MACROD2: variants seen among roughly 807,000 people sequenced by gnomAD.
MACROD2 encodes the protein mono-ADP ribosylhydrolase 2.
Under a neutral mutation model 70.4 loss-of-function variants are expected in MACROD2, and 36 were observed. The observed-to-expected ratio is 0.51, with a 90% CI of 0.39 to 0.68. The LOEUF is 0.68. Ranked by LOEUF, MACROD2 falls within the 30% of genes least tolerant of loss-of-function variation. The pLI is 0.00. For missense variants in MACROD2, 496 were observed against 538.4 expected (o/e 0.92, Z 0.78); for synonymous variants, 172 against 178.8 (o/e 0.96, Z 0.30).
intron 5 of MACROD2, among the ~76,000 whole-genome samples, chr20:15,214,839 T>G (rs1484502525): frequency 6.6e-6 from 1 of 152,222 alleles, no homozygotes; most frequent in Non-Finnish European, 1.5e-5. Context: ...TGATATCATG[T>G]GCTGCGGCTT....
chr20:15,141,646 A>G (rs759505562), intron 5 of MACROD2, among the ~76,000 whole-genome samples: 2 of 152,134 alleles, frequency 1.3e-5, no homozygotes, highest in Non-Finnish European at 2.9e-5. Context: ...GGATATCTGG[A>G]TGATTTTTTC....
At chr20:14,442,175 C>T (rs1300623133) in intron 3 of MACROD2, among the ~76,000 whole-genome samples, 2 of 152,064 alleles carry the variant, frequency 1.3e-5, no homozygotes, top group African/African-American at 2.4e-5. Context: ...AAGGCTGAGA[C>T]AGGGGAATCA....
At chr20:14,055,388 C>G (rs2053620389) in intron 2 of MACROD2, among the ~76,000 whole-genome samples, 1 of 150,902 alleles carries the variant, frequency 6.6e-6, no homozygotes, top group South Asian at 2.1e-4. Flanking sequence ...CAGTCTTTCT[C>G]TTTTGACTCT....
intron 8 of MACROD2, among the ~76,000 whole-genome samples, chr20:15,776,961 A>T (rs1187967630): frequency 6.6e-6 from 1 of 152,192 alleles, no homozygotes; most frequent in East Asian, 1.9e-4. Flanking sequence ...GACTGTTGAG[A>T]GGAAAAGAAG....
chr20:15,288,144 A>C (rs1362260773), intron 6 of MACROD2, among the ~76,000 whole-genome samples: 1 of 152,258 alleles, frequency 6.6e-6, no homozygotes, highest in Non-Finnish European at 1.5e-5. Context: ...AATGCAAAGT[A>C]GCTTTAGAAA....
chr20:14,841,466 A>T (rs1287319038), intron 5 of MACROD2, among the ~76,000 whole-genome samples: 1 of 152,140 alleles, frequency 6.6e-6, no homozygotes, highest in Non-Finnish European at 1.5e-5. Flanking sequence ...CCTAACTTTC[A>T]AAACCTTAGC....
chr20:15,960,556 A>T (rs544294613), intron 12 of MACROD2, among the ~76,000 whole-genome samples: 51 of 152,310 alleles, frequency 3.3e-4, no homozygotes, highest in African/African-American at 1.2e-3. Flanking sequence ...CAGGAAGCAC[A>T]GGTGAGGTGT....
chr20:14,391,649 A>G (rs1422106863), intron 3 of MACROD2, among the ~76,000 whole-genome samples: 1 of 151,592 alleles, frequency 6.6e-6, no homozygotes, highest in Non-Finnish European at 1.5e-5. Flanking sequence ...GCCTTCTATA[A>G]GAGATCTGTG....
chr20:15,150,729 G>A (rs2076263195), intron 5 of MACROD2, among the ~76,000 whole-genome samples: 1 of 151,910 alleles, frequency 6.6e-6, no homozygotes, highest in Admixed American at 6.6e-5. Flanking sequence ...GGGAAGAAGG[G>A]CGGCAATGAG....
At chr20:14,496,113 A>T (rs916861610) in intron 4 of MACROD2, among the ~76,000 whole-genome samples, 3 of 152,172 alleles carry the variant, frequency 2.0e-5, no homozygotes, top group Non-Finnish European at 2.9e-5. Context: ...CCTCTCAGTG[A>T]TATTTGTAAA....
In MACROD2 at chr20:15,987,385, G is replaced by A. The variant is rs2066501535; in HGVS notation, c.1153+227G>A. Among the ~76,000 whole-genome samples, 3 of 152,230 alleles carry A rather than the reference G, an allele frequency of 2.0e-5. No homozygotes were observed. The South Asian group carries it at 6.2e-4, about 32-fold the overall frequency. ...TTACATATAGCATAAAGATGTTTTT[G>A]TTATTCATTTAGATTCAATTTAAAT... On this transcript the variant is annotated intron_variant, in intron 15 of 17. Transcript: ENST00000684519.
chr20:14,040,783 G>A (rs911113021), intron 2 of MACROD2, among the ~76,000 whole-genome samples: 6 of 152,178 alleles, frequency 3.9e-5, no homozygotes, highest in Non-Finnish European at 8.8e-5. Flanking sequence ...TTTCAGCTTC[G>A]TTATGACATT....
chr20:14,344,815 A>AG (rs1458175280), intron 3 of MACROD2, among the ~76,000 whole-genome samples: 1 of 152,206 alleles, frequency 6.6e-6, no homozygotes. Context: ...AAATTCAAGG[A>AG]GCTTTTTGGT....
chr20:15,372,410 G>A (rs1726551427), intron 6 of MACROD2, among the ~76,000 whole-genome samples: 2 of 152,164 alleles, frequency 1.3e-5, no homozygotes, highest in Admixed American at 6.5e-5. Context: ...TTTTACAGTT[G>A]AATGGGTATA....
intron 5 of MACROD2, among the ~76,000 whole-genome samples, chr20:14,966,744 T>A (rs2074640698): frequency 1.3e-5 from 2 of 151,822 alleles, no homozygotes; most frequent in South Asian, 4.1e-4. Flanking sequence ...AACAAGACAT[T>A]TTGAAGTAAT....
chr20:15,582,121 C>CAAA (rs11417111), intron 8 of MACROD2, among the ~76,000 whole-genome samples: 13 of 140,874 alleles, frequency 9.2e-5, no homozygotes, highest in Non-Finnish European at 1.2e-4. Context: ...GACTCGGTCT[C>CAAA]AAAAAAAAAA....
chr20:14,836,714 G>C (rs1236401122), intron 5 of MACROD2, among the ~76,000 whole-genome samples: 1 of 152,036 alleles, frequency 6.6e-6, no homozygotes, highest in Non-Finnish European at 1.5e-5. Flanking sequence ...ATGGGTAAGA[G>C]GTCCATAGAG....
chr20:14,376,866 A>AAAAG (rs1157824595), intron 3 of MACROD2, among the ~76,000 whole-genome samples: 30 of 151,748 alleles, frequency 2.0e-4, no homozygotes, highest in African/African-American at 6.8e-4. Flanking sequence ...TAGCCATGTG[A>AAAAG]TATTGGGAAA....
chr20:14,843,391 A>G (rs1378475048), intron 5 of MACROD2, among the ~76,000 whole-genome samples: 1 of 151,936 alleles, frequency 6.6e-6, no homozygotes, highest in Non-Finnish European at 1.5e-5. Context: ...TAATTGATGA[A>G]TAAAAATACA....
Sources: gnomAD v4.1 joint callset for allele counts (sites outside exome capture counted in the v4.1 genomes callset) on GRCh38, gnomAD v4.1.1 for gene constraint, MANE v1.5 for transcripts, NCBI Gene and HGNC (gene_info 2026-07-23, HGNC 2026-07-21) for gene names.